The following MALT1 variants were observed in gnomAD, a reference collection of about 807,000 sequenced individuals.
MALT1 encodes the protein MALT1 paracaspase, also known as mucosa-associated lymphoid tissue lymphoma translocation protein 1.
Under a neutral mutation model 85.5 loss-of-function variants are expected in MALT1, and 36 were observed. The ratio of observed to expected loss-of-function variants is 0.42; its 90% CI spans 0.32 to 0.56. The LOEUF (loss-of-function observed/expected upper bound fraction) is 0.56. Ranked by LOEUF, MALT1 falls within the 20% of genes least tolerant of loss-of-function variation. The pLI is 0.10. For missense variants in MALT1, 716 were observed against 981.6 expected, an observed-to-expected ratio of 0.73 and a Z score of 3.62; for synonymous variants, 359 against 361.3, an observed-to-expected ratio of 0.99 and a Z score of 0.07.
intron 10 of MALT1, among the ~76,000 whole-genome samples, chr18:58,730,881 T>A (rs1330001579): frequency 6.6e-6 from 1 of 152,254 alleles, no homozygotes; most frequent in South Asian, 2.1e-4. Context: ...CATCTTTTCA[T>A]GTGCATATTT....
chr18:58,695,096 C>A (rs1235658619), intron 2 of MALT1, among the ~76,000 whole-genome samples: 20 of 152,206 alleles, frequency 1.3e-4, no homozygotes, highest in Non-Finnish European at 1.5e-5. Flanking sequence ...CCCGCACCTT[C>A]TTCTCGTTTG....
At chr18:58,739,420 G>A (rs2055271186) in intron 13 of MALT1, among the ~76,000 whole-genome samples, 1 of 152,200 alleles carries the variant, frequency 6.6e-6, no homozygotes, top group African/African-American at 2.4e-5. Flanking sequence ...TGAGATGGAG[G>A]ACAACCAAGA....
At chr18:58,735,442 T>A (rs1348563056) in intron 13 of MALT1, 113 bp downstream of exon 13, 2 of 1,105,782 alleles carry the variant, frequency 1.8e-6, no homozygotes, top group East Asian at 5.3e-5. Context: ...GGGTTTGGAA[T>A]TAGTACCTAC....
chr18:58,713,595 G>A (rs2054861954), intron 7 of MALT1, among the ~76,000 whole-genome samples: 1 of 152,112 alleles, frequency 6.6e-6, no homozygotes, highest in South Asian at 2.1e-4. Flanking sequence ...GACCATTAAT[G>A]GTTCATTAGT....
intron 3 of MALT1, among the ~76,000 whole-genome samples, chr18:58,699,362 C>G (rs373268866): frequency 3.9e-5 from 6 of 152,284 alleles, no homozygotes; most frequent in African/African-American, 1.2e-4. Context: ...GTAGGATTGT[C>G]AGGCAGTTGT....
rs1005513449 is a variant in MALT1, at chr18:58,750,864, T to C, written c.*3022T>C. 5 of 152,192 alleles carry C rather than the reference T, an allele frequency of 3.3e-5. No homozygotes were observed. The highest frequency in any genetic ancestry group is 7.3e-5 in the Non-Finnish European group (5 of 68,038). The allele number at this position is 152,192 out of a possible 1,614,324, so 9.4% of individuals were successfully genotyped here. A position where few individuals can be genotyped will look rare whatever the true frequency, so the allele number is the denominator to read the frequency against. On this transcript the variant is annotated 3_prime_UTR_variant, in exon 17 of 17. Coordinates refer to ENST00000649217, the MANE Select transcript of MALT1 (RefSeq NM_006785.4). ...AAGCACAAGCAACAAAGGCAAACAG[T>C]AGATAAATGGGACTTCATCAAAATT...
At chr18:58,710,292 C>T (rs1020158786) in intron 6 of MALT1, among the ~76,000 whole-genome samples, 1 of 152,050 alleles carries the variant, frequency 6.6e-6, no homozygotes, top group Non-Finnish European at 1.5e-5. Context: ...GAAAAAAAGC[C>T]ATTTTGTTTA....
chr18:58,742,360 C>T (rs983970431), intron 14 of MALT1, among the ~76,000 whole-genome samples: 133 of 152,204 alleles, frequency 8.7e-4, no homozygotes, highest in Middle Eastern at 6.8e-3. Context: ...GGGTTCTGAT[C>T]CAGTCTCTAC....
At chr18:58,674,557 G>T (rs773925474) in intron 1 of MALT1, among the ~76,000 whole-genome samples, 1 of 152,172 alleles carries the variant, frequency 6.6e-6, no homozygotes, top group Non-Finnish European at 1.5e-5. Flanking sequence ...GAATTAAACG[G>T]ACTTTTTTTC....
rs772472384 is a variant in MALT1 at position 58,747,434 on chromosome 18, A to G, written c.2067A>G (p.Ser689=). 3.1e-6 allele frequency: 5 copies of G among 1,613,228 alleles called. No homozygotes were observed. Among genetic ancestry groups the G allele is most frequent in the African/African-American group, 1.3e-5 (1 of 74,992 alleles). Residue 689 remains serine (S), a synonymous_variant, in exon 17 of 17, where the codon TCA becomes TCG. Transcript: ENST00000649217. ...KEHLVFTVCL[S]YQYSGLEDTV... Reference sequence around the variant, plus strand: ...ATCTAGTCTTCACAGTATGTTTATCATATCAGTACTCAGGATTGGAAGATA... The same window carrying G: ...ATCTAGTCTTCACAGTATGTTTATCGTATCAGTACTCAGGATTGGAAGATA...
intron 9 of MALT1, among the ~76,000 whole-genome samples, chr18:58,721,301 C>A (rs2054979247): frequency 6.6e-6 from 1 of 152,156 alleles, no homozygotes; most frequent in South Asian, 2.1e-4. Flanking sequence ...ATCGCTTGAA[C>A]CCGGGAGGCA....
chr18:58,688,296 T>C (rs1212763453), intron 2 of MALT1, among the ~76,000 whole-genome samples: 2 of 86,212 alleles, frequency 2.3e-5, no homozygotes, highest in African/African-American at 1.3e-4. Flanking sequence ...TGTATATATA[T>C]GTTACACACA....
intron 2 of MALT1, among the ~76,000 whole-genome samples, chr18:58,692,917 C>G (rs2054533508): frequency 6.6e-6 from 1 of 152,170 alleles, no homozygotes; most frequent in African/African-American, 2.4e-5. Flanking sequence ...ATCAAACCAG[C>G]CACAGCATGC....
chr18:58,686,269 C>T (rs573949722), intron 2 of MALT1, among the ~76,000 whole-genome samples: 58 of 152,304 alleles, frequency 3.8e-4, no homozygotes, highest in Middle Eastern at 3.4e-3. Flanking sequence ...TCAGGTAATC[C>T]GTCCGCCTCG....
intron 4 of MALT1, 35 bp from the exon 5 acceptor site, chr18:58,709,343 T>C: frequency 4.3e-6 from 6 of 1,396,106 alleles, no homozygotes; most frequent in Non-Finnish European, 5.8e-6. Flanking sequence ...TTTTTATTTT[T>C]AACCTAGAGA....
At chr18:58,679,582 C>T (rs972620038) in intron 1 of MALT1, among the ~76,000 whole-genome samples, 4 of 152,200 alleles carry the variant, frequency 2.6e-5, no homozygotes, top group African/African-American at 9.7e-5. Context: ...AAGACCGAGT[C>T]TCGATCTGTC....
intron 2 of MALT1, among the ~76,000 whole-genome samples, chr18:58,692,425 T>G (rs1203385193): frequency 1.8e-5 from 2 of 112,326 alleles, no homozygotes; most frequent in East Asian, 5.7e-4. Flanking sequence ...TCTCTCTCTC[T>G]CTCTCTCTCT....
intron 10 of MALT1, among the ~76,000 whole-genome samples, chr18:58,724,969 A>C (rs1271733459): frequency 6.6e-6 from 1 of 152,052 alleles, no homozygotes; most frequent in Non-Finnish European, 1.5e-5. Context: ...ACATGGTGAA[A>C]TCCCATCTCT....
chr18:58,718,072 G>T (rs1568143103), intron 9 of MALT1, among the ~76,000 whole-genome samples: 1 of 152,166 alleles, frequency 6.6e-6, no homozygotes, highest in Admixed American at 6.5e-5. Context: ...TTAACCCTGA[G>T]ATGTAGGTAT....
Sources: allele counts gnomAD v4.1 joint callset (sites outside exome capture counted in the v4.1 genomes callset), GRCh38; gene constraint gnomAD v4.1.1; transcripts MANE v1.5; gene names NCBI Gene and HGNC (gene_info 2026-07-23, HGNC 2026-07-21).